The following RUNX1 variants were observed in gnomAD, a reference collection of about 807,000 sequenced individuals.
RUNX1 encodes the protein RUNX family transcription factor 1.
In RUNX1, 19 loss-of-function variants were observed where a neutral mutation model predicts 42.8. That is an observed-to-expected ratio of 0.44 (90% CI 0.31 to 0.65). RUNX1 has a LOEUF of 0.65. Ranked by LOEUF, RUNX1 falls within the 30% of genes least tolerant of loss-of-function variation. The pLI is 0.07. For synonymous variants in RUNX1, 271 were observed against 289.4 expected, an observed-to-expected ratio of 0.94 and a Z score of 0.64; for missense variants, 528 against 672.0, an observed-to-expected ratio of 0.79 and a Z score of 2.37.
In RUNX1 at chr21:34,996,114, T is replaced by C. The variant is rs535564637; in HGVS notation, c.58+52728A>G. Among the ~76,000 whole-genome samples the C allele has an allele frequency of 8.5e-5, 13 of 152,314 alleles. No homozygotes were observed. The South Asian group carries it at 2.7e-3, about 32-fold the overall frequency. On this transcript the variant is annotated intron_variant, in intron 2 of 8. Transcript: ENST00000675419. ...TGTGTAGAATAGCAGACTGTCAGAC[T>C]TGGGAGGACCATGAGGCTATTGACT...
At chr21:35,035,588 A>G (rs1326281616) in intron 2 of RUNX1, among the ~76,000 whole-genome samples, 6 of 152,264 alleles carry the variant, frequency 3.9e-5, no homozygotes, top group Admixed American at 3.9e-4. Flanking sequence ...CAATGGAGGC[A>G]GTGTGCCTCA....
chr21:35,048,718 C>G, intron 2 of RUNX1, 124 bp downstream of exon 2: 1 of 821,092 alleles, frequency 1.2e-6, no homozygotes, highest in Non-Finnish European at 2.2e-6. Context: ...TTGAATTCCT[C>G]TCACAAACAA....
intron 3 of RUNX1, chr21:34,888,723 C>T: frequency 9.8e-7 from 1 of 1,023,648 alleles, no homozygotes; most frequent in Non-Finnish European, 1.2e-6. Flanking sequence ...CGTGCTTTTA[C>T]TGTAAGCCCG....
chr21:34,879,537 T>C (rs913861952), intron 5 of RUNX1, among the ~76,000 whole-genome samples: 2 of 152,198 alleles, frequency 1.3e-5, no homozygotes, highest in Non-Finnish European at 2.9e-5. Flanking sequence ...ATTTCTCTTA[T>C]TTTAAATGTT....
intron 2 of RUNX1, among the ~76,000 whole-genome samples, chr21:34,962,030 C>G (rs2058685365): frequency 2.0e-5 from 3 of 151,976 alleles, no homozygotes; most frequent in Admixed American, 2.0e-4. Flanking sequence ...GTAGCTGGGA[C>G]TACAGGTGCA....
At chr21:34,874,142 T>TCC (rs1469616653) in intron 5 of RUNX1, among the ~76,000 whole-genome samples, 2 of 146,570 alleles carry the variant, frequency 1.4e-5, no homozygotes, top group African/African-American at 5.1e-5. Context: ...TCTCTCTCTC[T>TCC]CTCCCCCTTG....
At chr21:34,906,993 A>G (rs1262276879) in intron 2 of RUNX1, among the ~76,000 whole-genome samples, 2 of 152,182 alleles carry the variant, frequency 1.3e-5, no homozygotes, top group Non-Finnish European at 2.9e-5. Flanking sequence ...AGCAGCCCCA[A>G]TTCTCCCTCT....
At chr21:34,906,668 C>T (rs1011174187) in intron 2 of RUNX1, among the ~76,000 whole-genome samples, 10 of 152,156 alleles carry the variant, frequency 6.6e-5, no homozygotes, top group Non-Finnish European at 1.3e-4. Context: ...TAAAAAAAGG[C>T]TGTTCTTCAT....
intron 2 of RUNX1, among the ~76,000 whole-genome samples, chr21:34,944,215 G>T (rs530173081): frequency 1.3e-5 from 2 of 152,172 alleles, no homozygotes; most frequent in Admixed American, 6.5e-5. Context: ...TCACTATGTT[G>T]GCCAGGCTTG....
chr21:35,045,490 TG>T (rs2059389690), intron 2 of RUNX1, among the ~76,000 whole-genome samples: 1 of 152,090 alleles, frequency 6.6e-6, no homozygotes, highest in Admixed American at 6.5e-5. Context: ...CCCAATACAA[TG>T]CAATTGGTAT....
intron 6 of RUNX1, among the ~76,000 whole-genome samples, chr21:34,849,697 G>A (rs917040583): frequency 6.7e-5 from 10 of 149,186 alleles, no homozygotes; most frequent in Non-Finnish European, 3.0e-5. Flanking sequence ...CATAATGTAC[G>A]GTAATAGATT....
At chr21:34,841,867 A>C (rs2057241602) in intron 6 of RUNX1, among the ~76,000 whole-genome samples, 1 of 152,204 alleles carries the variant, frequency 6.6e-6, no homozygotes, top group Admixed American at 6.5e-5. Context: ...TCCATAGCAC[A>C]TGTTAATGTT....
chr21:34,973,940 C>A (rs1037837244), intron 2 of RUNX1, among the ~76,000 whole-genome samples: 2 of 152,184 alleles, frequency 1.3e-5, no homozygotes, highest in South Asian at 2.1e-4. Flanking sequence ...GTGCACTCTT[C>A]TAGCCCACTT....
At chr21:35,004,842 A>C (rs2834722) in intron 2 of RUNX1, among the ~76,000 whole-genome samples, 42,619 of 152,026 alleles carry the variant, frequency 0.28, 6,549 homozygotes, top group African/African-American at 0.38. Flanking sequence ...CCAGCTTACA[A>C]TTGGCCCTGG....
intron 2 of RUNX1, among the ~76,000 whole-genome samples, chr21:34,975,244 A>G (rs1463191114): frequency 6.6e-6 from 1 of 152,210 alleles, no homozygotes; most frequent in Non-Finnish European, 1.5e-5. Flanking sequence ...CCTCCGGGAT[A>G]TTATGAAGAT....
intron 5 of RUNX1, among the ~76,000 whole-genome samples, chr21:34,874,897 C>T (rs1347993568): frequency 2.6e-5 from 4 of 152,156 alleles, no homozygotes; most frequent in African/African-American, 9.7e-5. Context: ...ACCATTATTT[C>T]TCTTGCAGGC....
At chr21:34,997,486 T>C (rs2059005135) in intron 2 of RUNX1, among the ~76,000 whole-genome samples, 1 of 152,214 alleles carries the variant, frequency 6.6e-6, no homozygotes, top group Non-Finnish European at 1.5e-5. Flanking sequence ...GAACACCAGA[T>C]AGCCGGAGGA....
Position 34,993,698 on chromosome 21 carries a change from CACACACACAG to C in RUNX1, c.58+55134_58+55143del, listed in dbSNP as rs1374784492. Among the ~76,000 whole-genome samples the C allele has an allele frequency of 4.7e-4, 68 of 143,640 alleles. 3 individuals carry two copies. Among genetic ancestry groups the C allele is most frequent in the African/African-American group, 1.8e-3 (65 of 35,486 alleles). The allele number at this position is 143,640 out of a possible 152,430, so 94.2% of individuals were successfully genotyped here. A position where few individuals can be genotyped will look rare whatever the true frequency, so the allele number is the denominator to read the frequency against. On this transcript the variant is annotated intron_variant, in intron 2 of 8. Transcript: ENST00000675419. ...ACACACAGACACACACACAGGCGCA[CACACACACAG>C]ACACACACAGGCACACACACACAGA...
intron 5 of RUNX1, among the ~76,000 whole-genome samples, chr21:34,874,102 A>G (rs1000549762): frequency 6.6e-5 from 10 of 151,062 alleles, no homozygotes; most frequent in Admixed American, 4.0e-4. Flanking sequence ...AAGTCTCTCA[A>G]TGGAAGTATG....
Sources: allele counts gnomAD v4.1 joint callset (sites outside exome capture counted in the v4.1 genomes callset), GRCh38; gene constraint gnomAD v4.1.1; transcripts MANE v1.5; gene names NCBI Gene and HGNC (gene_info 2026-07-23, HGNC 2026-07-21).